Variants in P2RY12 observed in about 807,000 individuals in gnomAD.
The protein encoded by P2RY12 is purinergic receptor P2Y12.
In P2RY12, 3 loss-of-function variants were observed where a neutral mutation model predicts 4.5. The observed-to-expected ratio is 0.67, with a 90% confidence interval of 0.31 to 1.74. The LOEUF is 1.74. Among genes scored for constraint, P2RY12 ranks in the 40% most tolerant of loss-of-function variants. P2RY12 has a pLI of 0.09. For synonymous variants in P2RY12, 148 were observed against 154.1 expected (o/e 0.96, Z 0.29); for missense variants, 356 against 407.8 (o/e 0.87, Z 1.09).
At chr3:151,373,622 G>C (rs1226763649) in intron 1 of P2RY12, among the ~76,000 whole-genome samples, 1 of 151,692 alleles carries the variant, frequency 6.6e-6, no homozygotes, top group African/African-American at 2.4e-5. Context: ...CTATTTTAAG[G>C]AAGAGCCTGC....
intron 1 of P2RY12, among the ~76,000 whole-genome samples, chr3:151,353,863 C>A (rs1000097247): frequency 6.6e-6 from 1 of 152,000 alleles, no homozygotes; most frequent in African/African-American, 2.4e-5. Flanking sequence ...CAGTGCTGGC[C>A]GGGCGCGGTG....
chr3:151,345,529 T>G (rs1261398514), intron 1 of P2RY12, among the ~76,000 whole-genome samples: 10 of 147,384 alleles, frequency 6.8e-5, no homozygotes, highest in African/African-American at 2.5e-4. Context: ...TTTTTTTTTT[T>G]TTTTTGAGAC....
At chr3:151,353,344 A>G (rs560093940) in intron 1 of P2RY12, among the ~76,000 whole-genome samples, 1 of 152,374 alleles carries the variant, frequency 6.6e-6, no homozygotes, top group South Asian at 2.1e-4. Flanking sequence ...TGCTCATGAC[A>G]TGTGAGCAGC....
At chr3:151,355,152 C>T in intron 1 of P2RY12, 1 of 1,613,864 alleles carries the variant, frequency 6.2e-7, no homozygotes, top group East Asian at 2.2e-5. Context: ...CCAGGAAGAA[C>T]AAACAGGAGA....
chr3:151,363,242 G>T (rs1356115798), intron 1 of P2RY12, among the ~76,000 whole-genome samples: 1 of 152,090 alleles, frequency 6.6e-6, no homozygotes, highest in East Asian at 1.9e-4. Context: ...ACTTTCTTGG[G>T]ATATCTTGAA....
intron 1 of P2RY12, chr3:151,350,293 T>G (rs557688865): frequency 7.5e-7 from 1 of 1,327,906 alleles, no homozygotes; most frequent in Admixed American, 2.1e-5. Flanking sequence ...TCTATGTCAC[T>G]GTCAACAGAG....
chr3:151,344,216 A>G (rs1308375560), intron 1 of P2RY12, among the ~76,000 whole-genome samples: 1 of 152,054 alleles, frequency 6.6e-6, no homozygotes, highest in African/African-American at 2.4e-5. Flanking sequence ...AGCTGTGTAG[A>G]ACAAAGATTT....
At chr3:151,383,713 A>G (rs937869264) in intron 1 of P2RY12, 3 of 1,005,022 alleles carry the variant, frequency 3.0e-6, no homozygotes, top group East Asian at 4.9e-5. Flanking sequence ...ATTTGATAAC[A>G]TAAAGCAATG....
At position 151,369,232 on chromosome 3, in the gene P2RY12, G is replaced by A. The variant is rs557443890; in HGVS notation, c.-180+15460C>T. On this transcript the variant is annotated intron_variant, in intron 1 of 2. Coordinates refer to ENST00000302632, the MANE Select transcript of P2RY12 (RefSeq NM_022788.5). The stretch of plus-strand genomic sequence containing the variant: ...TTGATGTAGCTCTCTGAGGAGGAAC[G>A]ACATTGTTTTAATAAATAAAAAGAA... 8.4e-4 allele frequency among the ~76,000 whole-genome samples: 128 copies of A among 152,250 alleles called. 1 individual carries two copies. The highest frequency in any genetic ancestry group is 1.5e-3 in the Non-Finnish European group (99 of 68,014).
At chr3:151,378,068 C>G (rs772844769) in intron 1 of P2RY12, 22 of 1,610,334 alleles carry the variant, frequency 1.4e-5, no homozygotes, top group Non-Finnish European at 1.9e-5. Flanking sequence ...AGGTTGCCAA[C>G]TTCTGTGCAA....
intron 1 of P2RY12, chr3:151,372,868 T>C (rs1756364832): frequency 1.1e-5 from 9 of 792,438 alleles, no homozygotes; most frequent in Non-Finnish European, 1.8e-5. Flanking sequence ...GGCCTTTTTT[T>C]CTTGCTCACT....
intron 1 of P2RY12, among the ~76,000 whole-genome samples, chr3:151,373,794 C>T (rs780410073): frequency 5.3e-5 from 8 of 152,044 alleles, no homozygotes; most frequent in Non-Finnish European, 1.5e-5. Flanking sequence ...GTTTCTGGCC[C>T]ATGTTGTACT....
chr3:151,353,916 C>T (rs369373041), intron 1 of P2RY12, among the ~76,000 whole-genome samples: 2 of 151,694 alleles, frequency 1.3e-5, no homozygotes, highest in African/African-American at 4.8e-5. Context: ...CCGAGGCGGG[C>T]GGATCACGAG....
At position 151,338,320 on chromosome 3, in the gene P2RY12, A is replaced by G; in HGVS notation, c.526T>C (p.Ser176Pro). The G allele has an allele frequency of 6.2e-7, 1 of 1,614,154 alleles. No homozygotes were observed. Among genetic ancestry groups the G allele is most frequent in the Non-Finnish European group, 8.5e-7 (1 of 1,180,020 alleles). The change falls in exon 3 of 3, where the codon TCT becomes CCT. Residue 176 changes from serine (S) to proline (P), a missense_variant. Coordinates refer to ENST00000302632, the MANE Select transcript of P2RY12 (RefSeq NM_022788.5). ...AGACCGAACTCTGATTTAAGGAAAGAGCATTTCTTCACATTCTTGTCTCTC... is the reference window on the plus strand; with the variant it reads ...AGACCGAACTCTGATTTAAGGAAAGGGCATTTCTTCACATTCTTGTCTCTC... ...QPRDKNVKKC[S>P]FLKSEFGLVW...
At position 151,368,737 on chromosome 3, in the gene P2RY12, T is replaced by TTCATTTCATG. The variant is rs1553798229; in HGVS notation, c.-180+15954_-180+15955insCATGAAATGA. Among the ~76,000 whole-genome samples, 180 of 77,162 alleles carry TTCATTTCATG rather than the reference T, an allele frequency of 2.3e-3. 1 individual carries two copies. Among genetic ancestry groups the TTCATTTCATG allele is most frequent in the Middle Eastern group, 0.012 (2 of 172 alleles). 50.6% of individuals were successfully genotyped at this position (77,162 alleles called of 152,430 possible). On this transcript the variant is annotated intron_variant, in intron 1 of 2. Transcript: ENST00000302632. ...TTCATTTCATTTCATTTCATTTCAT[T>TTCATTTCATG]TCATTTCATTTCATGTCATTTCATT...
intron 1 of P2RY12, among the ~76,000 whole-genome samples, chr3:151,350,507 A>G (rs901849098): frequency 6.6e-6 from 1 of 152,104 alleles, no homozygotes. Context: ...CAAATTTTCT[A>G]TAGTAGTAAT....
chr3:151,363,304 T>A (rs1262248198), intron 1 of P2RY12, among the ~76,000 whole-genome samples: 1 of 152,160 alleles, frequency 6.6e-6, no homozygotes, highest in Non-Finnish European at 1.5e-5. Flanking sequence ...AAACAAAAGC[T>A]GGATACACAG....
chr3:151,338,555 A>G lies in P2RY12; in HGVS notation c.291T>C (p.Cys97=). ...AATAAAATATGACGGAGGTAACTTG[A>G]CACACAAAAGTTCTCAGTGGTCCTG... ...LGTGPLRTFV[C]QVTSVIFYFT... The change falls in exon 3 of 3, where the codon TGT becomes TGC. Residue 97 remains cysteine, a synonymous_variant. Transcript: ENST00000302632. The G allele has an allele frequency of 6.2e-7, 1 of 1,613,972 alleles. No homozygotes were observed. The highest frequency in any genetic ancestry group is 1.6e-4 in the Middle Eastern group (1 of 6,062).
chr3:151,356,432 A>G (rs182258276), intron 1 of P2RY12, among the ~76,000 whole-genome samples: 7 of 152,184 alleles, frequency 4.6e-5, no homozygotes, highest in East Asian at 1.9e-4. Flanking sequence ...ATAAAAATCA[A>G]TGAACCAATT....
Sources: gnomAD v4.1 joint callset for allele counts (sites outside exome capture counted in the v4.1 genomes callset) on GRCh38, gnomAD v4.1.1 for gene constraint, MANE v1.5 for transcripts, NCBI Gene and HGNC (gene_info 2026-07-23, HGNC 2026-07-21) for gene names.